Variants in PCDHA4 observed in about 807,000 individuals in gnomAD.
The protein encoded by PCDHA4 is protocadherin alpha 4.
Under a neutral mutation model 61.4 loss-of-function variants are expected in PCDHA4, and 49 were observed. That is an observed-to-expected ratio of 0.80 (90% CI 0.63 to 1.01). The LOEUF (loss-of-function observed/expected upper bound fraction) is 1.01, where lower values mean the gene tolerates loss of function less well. Among genes scored for constraint, PCDHA4 ranks in the 50% least tolerant of loss-of-function variants. The pLI is 0.00. For synonymous variants in PCDHA4, 590 were observed against 550.3 expected, an observed-to-expected ratio of 1.07 and a Z score of -1.01; for missense variants, 1,254 against 1,235.8, an observed-to-expected ratio of 1.01 and a Z score of -0.22.
chr5:140,808,148 G>C lies in PCDHA4; in HGVS notation c.961G>C (p.Glu321Gln), dbSNP rs782479156. The stretch of plus-strand genomic sequence containing the variant: ...AAGCAAATCCTATGAAATTATTGTA[G>C]AGGGCATTGATAAGGGACAGCTCCC... Reference protein sequence around the residue: ...EESKSYEIIVEGIDKGQLPLS... With the variant: ...EESKSYEIIVQGIDKGQLPLS... Residue 321 changes from glutamate to glutamine, a missense_variant, in exon 1 of 4, where the codon GAG (glutamate) becomes CAG (glutamine). Coordinates refer to ENST00000530339, the MANE Select transcript of PCDHA4 (RefSeq NM_018907.4). 6.2e-6 allele frequency: 10 copies of C among 1,614,026 alleles called. No individual in the cohort carries two copies. The highest frequency in any genetic ancestry group is 1.3e-5 in the African/African-American group (1 of 74,940).
At chr5:140,856,595 A>G in intron 1 of PCDHA4, 1 of 1,597,868 alleles carries the variant, frequency 6.3e-7, no homozygotes. Context: ...TGATATTATA[A>G]ACAAAAAAGA....
rs541589842 is a variant in PCDHA4, at chr5:140,964,001, A to G, written c.2386-14948A>G. Reference sequence around the variant, plus strand: ...TCTATATTCCTAATTACTGTGTTCTACTTTTTAATAGAGAGCTCTTGAAGG... The same window carrying G: ...TCTATATTCCTAATTACTGTGTTCTGCTTTTTAATAGAGAGCTCTTGAAGG... On this transcript the variant is annotated intron_variant, in intron 1 of 3. Transcript: ENST00000530339. Among the ~76,000 whole-genome samples the G allele has an allele frequency of 9.2e-5, 14 of 152,286 alleles. No homozygotes were observed. The South Asian group carries it at 2.7e-3, about 29-fold the overall frequency.
intron 2 of PCDHA4, among the ~76,000 whole-genome samples, chr5:140,982,032 C>G (rs1554243678): frequency 1.3e-5 from 2 of 152,162 alleles, no homozygotes; most frequent in Non-Finnish European, 2.9e-5. Flanking sequence ...GAACAATACT[C>G]CAATTATCAG....
chr5:140,823,963 G>T (rs2150130891), intron 1 of PCDHA4: 3 of 1,614,108 alleles, frequency 1.9e-6, no homozygotes, highest in African/African-American at 1.3e-5. Flanking sequence ...CACCGAGGCC[G>T]TGTGCACACG....
intron 1 of PCDHA4, among the ~76,000 whole-genome samples, chr5:140,887,455 A>T (rs1334702818): frequency 6.6e-6 from 1 of 152,134 alleles, no homozygotes; most frequent in Non-Finnish European, 1.5e-5. Flanking sequence ...ACAGTTTTTT[A>T]AAAGATATAA....
intron 1 of PCDHA4, chr5:140,862,359 CG>C: frequency 3.0e-6 from 1 of 337,856 alleles, no homozygotes; most frequent in Non-Finnish European, 5.8e-6. Flanking sequence ...AAGGGACAGA[CG>C]ACCCGCACCC....
In PCDHA4 at chr5:140,870,897, G is replaced by A. The variant is rs372076650; in HGVS notation, c.2385+61325G>A. 4 of 1,613,942 alleles carry A rather than the reference G, an allele frequency of 2.5e-6. No individual in the cohort carries two copies. In the African/African-American group the frequency reaches 4.0e-5, roughly 16 times the overall value. Reference sequence around the variant, plus strand: ...TGGCGAAGGTGCGCGCAGTGGATGCGGACTCAGGCTACAACGCGTGGCTTT... The same window carrying A: ...TGGCGAAGGTGCGCGCAGTGGATGCAGACTCAGGCTACAACGCGTGGCTTT... On this transcript the variant is annotated intron_variant, in intron 1 of 3. Coordinates refer to ENST00000530339, the MANE Select transcript of PCDHA4 (RefSeq NM_018907.4).
intron 1 of PCDHA4, chr5:140,821,732 G>T (rs1554128164): frequency 6.6e-7 from 1 of 1,525,316 alleles, no homozygotes; most frequent in Admixed American, 2.0e-5. Context: ...AAAATACATT[G>T]TGTGGTGATG....
rs868942705 is a variant in PCDHA4 at position 140,935,763 on chromosome 5, C to T, written c.2386-43186C>T. Reference sequence around the variant, plus strand: ...TATTCCATACAATACACATTCTTCCCCACTTTGAGTTTTTTCACTTAAAAA... The same window carrying T: ...TATTCCATACAATACACATTCTTCCTCACTTTGAGTTTTTTCACTTAAAAA... On this transcript the variant is annotated intron_variant, in intron 1 of 3. Coordinates refer to ENST00000530339, the MANE Select transcript of PCDHA4 (RefSeq NM_018907.4). Among the ~76,000 whole-genome samples, 111 of 152,180 alleles carry T rather than the reference C, an allele frequency of 7.3e-4. 1 individual carries two copies. The highest frequency in any genetic ancestry group is 3.4e-3 in the Middle Eastern group (1 of 294).
rs144630020 is a variant in PCDHA4, at chr5:140,849,710, C to T, written c.2385+40138C>T. 88 of 1,598,490 alleles carry T rather than the reference C, an allele frequency of 5.5e-5. 7 individuals carry two copies. Among genetic ancestry groups the T allele is most frequent in the Middle Eastern group, 1.7e-4 (1 of 5,908 alleles). ...TGGTGTCCACCTACAAGAATTACTA[C>T]TCGTTGGTGCTGGACAGAGCTCTGG... On this transcript the variant is annotated intron_variant, in intron 1 of 3. Transcript: ENST00000530339.
Position 140,973,415 on chromosome 5 carries a change from A to C in PCDHA4, c.2386-5534A>C, listed in dbSNP as rs552618579. On this transcript the variant is annotated intron_variant, in intron 1 of 3. Coordinates refer to ENST00000530339, the MANE Select transcript of PCDHA4 (RefSeq NM_018907.4). ...AATCATATCTATGAGCTTCCACTCC[A>C]GTTTTTCATCCTCTGATGGTCACTT... Among the ~76,000 whole-genome samples the C allele has an allele frequency of 1.8e-3, 272 of 152,344 alleles. 1 individual carries two copies. Among genetic ancestry groups the C allele is most frequent in the Non-Finnish European group, 3.1e-3 (212 of 68,028 alleles).
chr5:140,813,536 C>T (rs1000742229), intron 1 of PCDHA4: 1 of 152,012 alleles, frequency 6.6e-6, no homozygotes, highest in East Asian at 1.9e-4. Context: ...AATGGTACAC[C>T]TGAATAGGGT....
rs201271180 is a variant in PCDHA4, at chr5:140,836,512, T to A, written c.2385+26940T>A. 12 of 1,613,844 alleles carry A rather than the reference T, an allele frequency of 7.4e-6. No individual in the cohort carries two copies. The highest frequency in any genetic ancestry group is 1.0e-5 in the Non-Finnish European group (12 of 1,179,842). On this transcript the variant is annotated intron_variant, in intron 1 of 3. Coordinates refer to ENST00000530339, the MANE Select transcript of PCDHA4 (RefSeq NM_018907.4). ...ATCGCCATCTGCGCGGTGTCCAGTC[T>A]GTTGGTGCTTACCCTGCTGCTGTAC... is the stretch of plus-strand genomic sequence containing the variant.
intron 1 of PCDHA4, among the ~76,000 whole-genome samples, chr5:140,906,707 CT>C (rs1554192656): frequency 6.6e-6 from 1 of 152,198 alleles, no homozygotes; most frequent in Non-Finnish European, 1.5e-5. Flanking sequence ...ATTTGTAGTC[CT>C]GCCTGGATTG....
intron 1 of PCDHA4, among the ~76,000 whole-genome samples, chr5:140,916,719 A>G (rs921368119): frequency 2.0e-5 from 3 of 152,128 alleles, no homozygotes; most frequent in Non-Finnish European, 2.9e-5. Context: ...GGAAGGAGTG[A>G]CTTTTGTTGC....
intron 1 of PCDHA4, among the ~76,000 whole-genome samples, chr5:140,931,932 T>C (rs1163129550): frequency 6.6e-6 from 1 of 151,986 alleles, no homozygotes; most frequent in South Asian, 2.1e-4. Context: ...ATGATTATAA[T>C]GTGTGTCTGA....
At chr5:140,980,447 C>T (rs952861849) in intron 2 of PCDHA4, among the ~76,000 whole-genome samples, 4 of 152,036 alleles carry the variant, frequency 2.6e-5, no homozygotes, top group Admixed American at 6.6e-5. Context: ...CTGGACAACA[C>T]GGTGAAACCC....
chr5:140,846,741 C>G (rs1466625417), intron 1 of PCDHA4, among the ~76,000 whole-genome samples: 1 of 149,290 alleles, frequency 6.7e-6, no homozygotes, highest in African/African-American at 2.5e-5. Flanking sequence ...AAATAGGACC[C>G]TTACAGATCT....
At chr5:140,993,031 C>T (rs186292405) in intron 3 of PCDHA4, among the ~76,000 whole-genome samples, 19 of 152,274 alleles carry the variant, frequency 1.2e-4, no homozygotes, top group Non-Finnish European at 1.8e-4. Context: ...CTGTGGGCTC[C>T]GTGTGTCATC....
Sources: gnomAD v4.1 joint callset for allele counts (sites outside exome capture counted in the v4.1 genomes callset) on GRCh38, gnomAD v4.1.1 for gene constraint, MANE v1.5 for transcripts, NCBI Gene and HGNC (gene_info 2026-07-23, HGNC 2026-07-21) for gene names.